The following CACNA1C variants were observed in gnomAD, a reference collection of about 807,000 sequenced individuals.
CACNA1C encodes voltage-dependent L-type calcium channel subunit alpha-1C.
In CACNA1C, 30 loss-of-function variants were observed where a neutral mutation model predicts 229.0. The observed-to-expected ratio is 0.13, with a 90% confidence interval of 0.10 to 0.18. CACNA1C has a LOEUF of 0.18. CACNA1C is among the 10% of genes least tolerant of loss of function. The pLI, the probability that CACNA1C is intolerant of heterozygous loss-of-function variation, is 1.00. For missense variants in CACNA1C, 1,658 were observed against 2,845.0 expected (o/e 0.58, Z 9.49); for synonymous variants, 1,114 against 1,132.5 (o/e 0.98, Z 0.33).
chr12:2,658,074 G>C (rs2095514684), intron 34 of CACNA1C, among the ~76,000 whole-genome samples: 1 of 151,898 alleles, frequency 6.6e-6, no homozygotes, highest in African/African-American at 2.4e-5. Flanking sequence ...ATAGAAAAAA[G>C]GGTAAAGAAT....
At chr12:2,042,558 G>A (rs1441608180) in intron 1 of CACNA1C, among the ~76,000 whole-genome samples, 2 of 152,100 alleles carry the variant, frequency 1.3e-5, no homozygotes, top group African/African-American at 4.8e-5. Flanking sequence ...TCCTTGTCTG[G>A]GCACCAGTAT....
intron 3 of CACNA1C, among the ~76,000 whole-genome samples, chr12:2,178,371 A>G (rs945649483): frequency 6.6e-6 from 1 of 152,222 alleles, no homozygotes; most frequent in African/African-American, 2.4e-5. Context: ...TGTAGGAAGC[A>G]TGGACTTTGC....
intron 3 of CACNA1C, among the ~76,000 whole-genome samples, chr12:2,430,885 C>G (rs546565763): frequency 3.3e-5 from 5 of 152,246 alleles, no homozygotes; most frequent in African/African-American, 1.2e-4. Flanking sequence ...GTTCCTGAGC[C>G]TCCCACCCAG....
intron 3 of CACNA1C, among the ~76,000 whole-genome samples, chr12:2,351,999 T>C (rs2097215109): frequency 6.6e-6 from 1 of 152,374 alleles, no homozygotes; most frequent in Middle Eastern, 3.4e-3. Flanking sequence ...TGCCCTGTTA[T>C]CTGTGTCCTG....
chr12:2,562,601 G>A (rs755776610), intron 11 of CACNA1C, among the ~76,000 whole-genome samples: 2 of 152,340 alleles, frequency 1.3e-5, no homozygotes, highest in South Asian at 4.1e-4. Flanking sequence ...CGCCTCTCAA[G>A]AGGACCATCT....
At position 2,697,768 on chromosome 12, in the gene CACNA1C, C is replaced by T. The variant is rs1027372322; in HGVS notation, c.*6569C>T. On this transcript the variant is annotated 3_prime_UTR_variant, in exon 47 of 47. Transcript: ENST00000399655. Reference sequence around the variant, plus strand: ...CTCGCCTGATGGGCCTTCTCACCCTCGAGAAAGGCCAGGGAATCTAGAAGG... The same window carrying T: ...CTCGCCTGATGGGCCTTCTCACCCTTGAGAAAGGCCAGGGAATCTAGAAGG... 2 of 152,456 alleles carry T rather than the reference C, an allele frequency of 1.3e-5. No homozygotes were observed. Among genetic ancestry groups the T allele is most frequent in the African/African-American group, 4.8e-5 (2 of 41,398 alleles). 9.4% of individuals were successfully genotyped at this position (152,456 alleles called of 1,614,324 possible).
rs2093254452 is a variant in CACNA1C, at chr12:2,135,558, ACC to A, written c.477+15130_477+15131del. On this transcript the variant is annotated intron_variant, in intron 3 of 46. Coordinates refer to ENST00000399655, the MANE Select transcript of CACNA1C (RefSeq NM_000719.7). ...CCCTCAGCTGCAGGTCTGTTGGAGTACCCTGCTGTGAGAGGTGTCAGTCTGCC... is the reference window on the plus strand; with the variant it reads ...CCCTCAGCTGCAGGTCTGTTGGAGTACTGCTGTGAGAGGTGTCAGTCTGCC... Among the ~76,000 whole-genome samples, 6 of 132,346 alleles carry A rather than the reference ACC, an allele frequency of 4.5e-5. No homozygotes were observed. In the East Asian group the frequency reaches 1.0e-3, roughly 23 times the overall value. The allele number at this position is 132,346 out of a possible 152,430, so 86.8% of individuals were successfully genotyped here.
At chr12:2,010,919 T>C (rs2470440) in intron 1 of CACNA1C, 110,622 of 151,836 alleles carry the variant, frequency 0.73, 40,931 homozygotes, top group African/African-American at 0.87. Flanking sequence ...GAGGCCGAGA[T>C]GAGCGGATCA....
rs1164578553 is a variant in CACNA1C at position 2,688,434 on chromosome 12, T to C, written c.5785-13T>C. 1 of 1,613,328 alleles carries C rather than the reference T, an allele frequency of 6.2e-7. No individual in the cohort carries two copies. Among genetic ancestry groups the C allele is most frequent in the Non-Finnish European group, 8.5e-7 (1 of 1,179,444 alleles). On this transcript the variant is annotated splice_polypyrimidine_tract_variant and intron_variant, in intron 45 of 46. Coordinates refer to ENST00000399655, the MANE Select transcript of CACNA1C (RefSeq NM_000719.7). ...GCCACTCCTATTAACTCACACTCCTTGTGTGTCCGCAGGCATTGGCAGTGG... is the reference window on the plus strand; with the variant it reads ...GCCACTCCTATTAACTCACACTCCTCGTGTGTCCGCAGGCATTGGCAGTGG...
At chr12:2,534,916 C>G (rs1273192951) in intron 9 of CACNA1C, among the ~76,000 whole-genome samples, 2 of 152,190 alleles carry the variant, frequency 1.3e-5, no homozygotes, top group Non-Finnish European at 2.9e-5. Flanking sequence ...CTGGCCCTTC[C>G]CCATCAAAGA....
At chr12:2,570,423 C>T (rs2154593602) in intron 13 of CACNA1C, among the ~76,000 whole-genome samples, 1 of 152,012 alleles carries the variant, frequency 6.6e-6, no homozygotes, top group Non-Finnish European at 1.5e-5. Context: ...GGGAGGTAGA[C>T]ATTTAAAGTG....
At chr12:2,581,504 AC>A (rs1332274407) in intron 13 of CACNA1C, 85 bp from the exon 14 acceptor site, 81 of 1,236,894 alleles carry the variant, frequency 6.5e-5, no homozygotes, top group Non-Finnish European at 8.2e-5. Context: ...TCCTCTGAGA[AC>A]CTGCAGTGGG....
At chr12:2,684,364 A>G (rs1253584183) in intron 43 of CACNA1C, among the ~76,000 whole-genome samples, 1 of 152,206 alleles carries the variant, frequency 6.6e-6, no homozygotes. Context: ...AACACGGTCA[A>G]TATAAAAAAG....
chr12:2,397,253 T>C (rs1464045740), intron 3 of CACNA1C, among the ~76,000 whole-genome samples: 1 of 152,324 alleles, frequency 6.6e-6, no homozygotes, highest in East Asian at 1.9e-4. Flanking sequence ...TAAACAGGTA[T>C]TGGGTTTTGT....
At chr12:2,162,255 C>G (rs1020742270) in intron 3 of CACNA1C, among the ~76,000 whole-genome samples, 4 of 151,940 alleles carry the variant, frequency 2.6e-5, no homozygotes, top group Non-Finnish European at 5.9e-5. Context: ...CTGACCACCA[C>G]CCCCTCCCAT....
intron 3 of CACNA1C, among the ~76,000 whole-genome samples, chr12:2,374,374 T>C (rs938304059): frequency 8.5e-5 from 13 of 152,248 alleles, no homozygotes; most frequent in South Asian, 2.1e-4. Context: ...GTGGCTCCCA[T>C]TGGGGCCTCC....
At chr12:2,484,811 A>T (rs992912819) in intron 5 of CACNA1C, among the ~76,000 whole-genome samples, 3 of 151,020 alleles carry the variant, frequency 2.0e-5, no homozygotes, top group African/African-American at 7.3e-5. Flanking sequence ...TTGCTAATTA[A>T]TGGAATCATT....
intron 3 of CACNA1C, among the ~76,000 whole-genome samples, chr12:2,418,770 T>TG (rs2098943094): frequency 1.3e-5 from 2 of 151,830 alleles, no homozygotes; most frequent in Non-Finnish European, 2.9e-5. Flanking sequence ...TCTAGGGAGG[T>TG]GGGGTCCTAC....
intron 13 of CACNA1C, among the ~76,000 whole-genome samples, chr12:2,576,089 G>T (rs1477856610): frequency 2.0e-5 from 3 of 152,342 alleles, no homozygotes; most frequent in Admixed American, 2.0e-4. Context: ...TTAAAGGGAG[G>T]CTGGGAGTAG....
Sources: gnomAD v4.1 joint callset for allele counts (sites outside exome capture counted in the v4.1 genomes callset) on GRCh38, gnomAD v4.1.1 for gene constraint, MANE v1.5 for transcripts, NCBI Gene and HGNC (gene_info 2026-07-23, HGNC 2026-07-21) for gene names.